The following SLC9A9 variants were observed in gnomAD, a reference collection of about 807,000 sequenced individuals.
The protein encoded by SLC9A9 is sodium/hydrogen exchanger 9.
SLC9A9 carries 62 observed loss-of-function variants against 77.8 expected under a neutral mutation model. That is an observed-to-expected ratio of 0.80 (90% CI 0.65 to 0.98). The LOEUF (loss-of-function observed/expected upper bound fraction) is 0.98, where lower values mean the gene tolerates loss of function less well. Among genes scored for constraint, SLC9A9 ranks in the 50% least tolerant of loss-of-function variants. SLC9A9 has a pLI of 0.00. For synonymous variants in SLC9A9, 320 were observed against 283.5 expected (o/e 1.13, Z -1.29); for missense variants, 775 against 774.9 (o/e 1.00, Z 0.00).
chr3:143,560,603 AT>A (rs1005205483), intron 8 of SLC9A9, among the ~76,000 whole-genome samples: 10 of 151,910 alleles, frequency 6.6e-5, no homozygotes, highest in Non-Finnish European at 8.8e-5. Context: ...GAGGTTTTAA[AT>A]TTTTTTTACT....
intron 14 of SLC9A9, among the ~76,000 whole-genome samples, chr3:143,311,416 C>A (rs1422921987): frequency 6.6e-6 from 1 of 152,134 alleles, no homozygotes. Flanking sequence ...GGGGCCTGAA[C>A]CCAGCATTCT....
intron 12 of SLC9A9, among the ~76,000 whole-genome samples, chr3:143,423,234 TACACACGCGCGTGTACAC>T (rs1361507248): frequency 1.5e-5 from 2 of 134,744 alleles, no homozygotes; most frequent in East Asian, 4.4e-4. Context: ...CACACACGTG[TACACACGCGCGTGTACAC>T]ACACACACAC....
intron 6 of SLC9A9, among the ~76,000 whole-genome samples, chr3:143,624,024 A>T (rs1043514821): frequency 3.8e-4 from 58 of 152,350 alleles, no homozygotes; most frequent in African/African-American, 1.3e-3. Flanking sequence ...GAAGAAATGG[A>T]TAAATTCCTG....
intron 9 of SLC9A9, chr3:143,517,824 A>C (rs1228497902): frequency 5.6e-6 from 9 of 1,601,048 alleles, no homozygotes. Context: ...TCTGTGAATA[A>C]GTCAATGGCT....
At chr3:143,763,493 C>T (rs868166233) in intron 4 of SLC9A9, among the ~76,000 whole-genome samples, 15 of 151,992 alleles carry the variant, frequency 9.9e-5, no homozygotes, top group African/African-American at 3.6e-4. Flanking sequence ...AAGCACAAGC[C>T]CCTTCCAGTT....
chr3:143,770,037 A>G lies in SLC9A9; in HGVS notation c.533+24964T>C, dbSNP rs2007462255. ...AATTCTCTCATGTTGATACTTTATCATTCATAATAAATTGCTTATACCATT... is the reference window on the plus strand; with the variant it reads ...AATTCTCTCATGTTGATACTTTATCGTTCATAATAAATTGCTTATACCATT... On this transcript the variant is annotated intron_variant, in intron 4 of 15. Coordinates refer to ENST00000316549, the MANE Select transcript of SLC9A9 (RefSeq NM_173653.4). 2.0e-5 allele frequency among the ~76,000 whole-genome samples: 3 copies of G among 152,232 alleles called. 1 individual carries two copies. Among genetic ancestry groups the G allele is most frequent in the Admixed American group, 2.0e-4 (3 of 15,278 alleles).
intron 9 of SLC9A9, among the ~76,000 whole-genome samples, chr3:143,500,475 C>T (rs1482362444): frequency 1.3e-5 from 2 of 152,070 alleles, no homozygotes; most frequent in Non-Finnish European, 1.5e-5. Context: ...TTTATTATTT[C>T]CTGCCTTCAA....
At chr3:143,581,419 G>C (rs1321002320) in intron 6 of SLC9A9, among the ~76,000 whole-genome samples, 1 of 152,006 alleles carries the variant, frequency 6.6e-6, no homozygotes, top group Admixed American at 6.6e-5. Flanking sequence ...TCCTATAATA[G>C]CTCTGTGAAG....
chr3:143,456,500 T>G (rs923080874), intron 12 of SLC9A9, among the ~76,000 whole-genome samples: 5 of 152,170 alleles, frequency 3.3e-5, no homozygotes, highest in Non-Finnish European at 7.4e-5. Context: ...AATTTGCCAG[T>G]GAAACCATCT....
At chr3:143,548,640 A>G (rs1030438634) in intron 9 of SLC9A9, among the ~76,000 whole-genome samples, 3 of 152,244 alleles carry the variant, frequency 2.0e-5, no homozygotes, top group South Asian at 2.1e-4. Flanking sequence ...GTTGCGTAAC[A>G]GCATCATAGT....
intron 4 of SLC9A9, among the ~76,000 whole-genome samples, chr3:143,761,372 C>T (rs902131439): frequency 2.0e-5 from 3 of 152,096 alleles, no homozygotes; most frequent in Admixed American, 6.5e-5. Context: ...AGCTTCTGCA[C>T]AGCAAAAGAA....
chr3:143,803,054 G>T (rs1000745409), intron 2 of SLC9A9, among the ~76,000 whole-genome samples: 1 of 152,100 alleles, frequency 6.6e-6, no homozygotes, highest in African/African-American at 2.4e-5. Context: ...TTCTTGTTAA[G>T]AATCTGACCC....
intron 9 of SLC9A9, among the ~76,000 whole-genome samples, chr3:143,526,735 T>C (rs963588122): frequency 6.6e-6 from 1 of 152,230 alleles, no homozygotes; most frequent in African/African-American, 2.4e-5. Flanking sequence ...AAACAATTTT[T>C]GTTCCTTGCC....
At chr3:143,607,599 T>G (rs1031023698) in intron 6 of SLC9A9, among the ~76,000 whole-genome samples, 1 of 152,032 alleles carries the variant, frequency 6.6e-6, no homozygotes, top group Non-Finnish European at 1.5e-5. Flanking sequence ...ATGTTAATTA[T>G]GTAGGCTAAA....
chr3:143,614,130 C>A (rs764370712), intron 6 of SLC9A9, among the ~76,000 whole-genome samples: 3 of 152,154 alleles, frequency 2.0e-5, no homozygotes, highest in Non-Finnish European at 4.4e-5. Flanking sequence ...CTTAGTCCTT[C>A]CTTAGTTTCC....
rs377347550 is a variant in SLC9A9 at position 143,601,428 on chromosome 3, TC to T, written c.756-22706del. Reference sequence around the variant, plus strand: ...CATGAAATAAATTTTGTGGTAAGCTTCATTTTGTAGAATTTGGAATTGAAAT... The same window carrying T: ...CATGAAATAAATTTTGTGGTAAGCTTATTTTGTAGAATTTGGAATTGAAAT... On this transcript the variant is annotated intron_variant, in intron 6 of 15. Coordinates refer to ENST00000316549, the MANE Select transcript of SLC9A9 (RefSeq NM_173653.4). 2.8e-3 allele frequency among the ~76,000 whole-genome samples: 430 copies of T among 152,346 alleles called. 2 individuals are homozygous for T. The highest frequency in any genetic ancestry group is 9.9e-3 in the African/African-American group (410 of 41,578).
At chr3:143,501,152 C>G (rs956244230) in intron 9 of SLC9A9, among the ~76,000 whole-genome samples, 1 of 150,318 alleles carries the variant, frequency 6.7e-6, no homozygotes. Context: ...TAGTAAAAAC[C>G]TGGAAACAAA....
intron 8 of SLC9A9, among the ~76,000 whole-genome samples, chr3:143,560,270 C>G (rs566926807): frequency 6.6e-6 from 1 of 152,270 alleles, no homozygotes; most frequent in East Asian, 1.9e-4. Context: ...AGGAGCAAGT[C>G]TCTCCCTAAC....
At chr3:143,573,989 G>C (rs12494880) in intron 8 of SLC9A9, 99 bp downstream of exon 8, 11 of 1,006,898 alleles carry the variant, frequency 1.1e-5, no homozygotes, top group African/African-American at 8.0e-5. Context: ...CTATTTAAGA[G>C]AGACTTCATT....
Sources: allele counts gnomAD v4.1 joint callset (sites outside exome capture counted in the v4.1 genomes callset), GRCh38; gene constraint gnomAD v4.1.1; transcripts MANE v1.5; gene names NCBI Gene and HGNC (gene_info 2026-07-23, HGNC 2026-07-21).